The following SVOP variants were observed in gnomAD, a reference collection of about 807,000 sequenced individuals.
SVOP encodes the protein SV2 related protein.
Under a neutral mutation model 69.1 loss-of-function variants are expected in SVOP, and 17 were observed. The observed-to-expected ratio is 0.25, with a 90% CI of 0.17 to 0.37. The LOEUF is 0.37. Among genes scored for constraint, SVOP ranks in the 10% least tolerant of loss-of-function variants. The probability of loss-of-function intolerance (pLI) is 1.00; values close to 1 mark genes in which losing one functional copy is unlikely to be tolerated. For synonymous variants in SVOP, 238 were observed against 238.6 expected (o/e 1.00, Z 0.02); for missense variants, 435 against 597.5 (o/e 0.73, Z 2.84).
chr12:108,954,931 C>G (rs1298611060), intron 6 of SVOP, among the ~76,000 whole-genome samples: 1 of 152,184 alleles, frequency 6.6e-6, no homozygotes, highest in Non-Finnish European at 1.5e-5. Context: ...GCAGAAGGAT[C>G]ACTTGAGCCT....
intron 6 of SVOP, 99 bp downstream of exon 6, chr12:108,960,824 C>A: frequency 7.1e-7 from 1 of 1,418,406 alleles, no homozygotes; most frequent in South Asian, 1.4e-5. Flanking sequence ...TCTCTGCACC[C>A]CTGCTGCCCC....
At chr12:108,998,150 A>G (rs541396395) in intron 1 of SVOP, among the ~76,000 whole-genome samples, 1 of 152,268 alleles carries the variant, frequency 6.6e-6, no homozygotes, top group Non-Finnish European at 1.5e-5. Context: ...AGGCTCAAGA[A>G]CTAGGTGAAG....
chr12:109,014,018 C>CTTT (rs377526459), intron 1 of SVOP, among the ~76,000 whole-genome samples: 13 of 137,648 alleles, frequency 9.4e-5, no homozygotes, highest in African/African-American at 1.1e-4. Flanking sequence ...AATTTCCTTC[C>CTTT]TTTTTTTTTT....
At chr12:108,933,626 G>A (rs1026483623) in intron 11 of SVOP, among the ~76,000 whole-genome samples, 1 of 152,262 alleles carries the variant, frequency 6.6e-6, no homozygotes, top group East Asian at 1.9e-4. Flanking sequence ...GCTGCAGTGA[G>A]CTGAGATCAA....
chr12:108,965,027 G>C (rs1439409002), intron 5 of SVOP, among the ~76,000 whole-genome samples: 1 of 152,176 alleles, frequency 6.6e-6, no homozygotes, highest in Non-Finnish European at 1.5e-5. Flanking sequence ...CAGCATTAAA[G>C]ATACTGATAT....
At chr12:108,994,797 T>C (rs1462475183) in intron 1 of SVOP, among the ~76,000 whole-genome samples, 1 of 152,156 alleles carries the variant, frequency 6.6e-6, no homozygotes, top group Non-Finnish European at 1.5e-5. Context: ...CTAGAAATGA[T>C]CATTAGGACA....
Position 108,912,384 on chromosome 12 carries a change from C to A in SVOP, c.*151G>T. 6.7e-7 allele frequency: 1 copy of A among 1,502,126 alleles called. No homozygotes were observed. The highest frequency in any genetic ancestry group is 8.8e-7 in the Non-Finnish European group (1 of 1,131,310). The allele number at this position is 1,502,126 out of a possible 1,614,324, so 93.0% of individuals were successfully genotyped here. A position where few individuals can be genotyped will look rare whatever the true frequency, so the allele number is the denominator to read the frequency against. On this transcript the variant is annotated 3_prime_UTR_variant, in exon 16 of 16. Coordinates refer to ENST00000610966, the MANE Select transcript of SVOP (RefSeq NM_018711.5). ...CTGGGTGGACCTCAATGAAGATGAG[C>A]AAACTGAGTCAAGACACAAAACCCT...
At chr12:108,987,490 T>C (rs1289511138) in intron 1 of SVOP, among the ~76,000 whole-genome samples, 1 of 152,226 alleles carries the variant, frequency 6.6e-6, no homozygotes, top group Non-Finnish European at 1.5e-5. Context: ...AAAGGGTTAT[T>C]CTATGTTTTA....
chr12:108,952,396 G>A (rs971160594), intron 6 of SVOP, among the ~76,000 whole-genome samples: 1 of 151,562 alleles, frequency 6.6e-6, no homozygotes, highest in South Asian at 2.1e-4. Flanking sequence ...CACCACGCCT[G>A]GCTAATTTTT....
At chr12:108,918,912 C>T (rs956548372) in intron 13 of SVOP, among the ~76,000 whole-genome samples, 1 of 152,120 alleles carries the variant, frequency 6.6e-6, no homozygotes, top group Non-Finnish European at 1.5e-5. Context: ...ATCTTTTATC[C>T]AGTTGTGAGG....
chr12:108,914,487 C>T (rs540630005), intron 15 of SVOP, among the ~76,000 whole-genome samples: 2 of 152,278 alleles, frequency 1.3e-5, no homozygotes, highest in Admixed American at 6.5e-5. Flanking sequence ...TCTGCAATGA[C>T]GTCTAATTAT....
chr12:108,989,049 A>G (rs1243763949), intron 1 of SVOP, among the ~76,000 whole-genome samples: 1 of 152,114 alleles, frequency 6.6e-6, no homozygotes. Flanking sequence ...CTGGTATTAC[A>G]GGCATGAGCC....
At chr12:108,916,975 G>A (rs1167794646) in intron 14 of SVOP, among the ~76,000 whole-genome samples, 1 of 152,200 alleles carries the variant, frequency 6.6e-6, no homozygotes, top group African/African-American at 2.4e-5. Flanking sequence ...TTGAACTCCT[G>A]AGCTCAAGCG....
At chr12:108,982,195 T>G (rs1267638305) in intron 2 of SVOP, among the ~76,000 whole-genome samples, 2 of 151,002 alleles carry the variant, frequency 1.3e-5, no homozygotes, top group Non-Finnish European at 2.9e-5. Context: ...ATCATCACCA[T>G]CATCATGATC....
intron 11 of SVOP, among the ~76,000 whole-genome samples, chr12:108,931,596 G>A (rs1211179045): frequency 1.3e-5 from 2 of 152,184 alleles, no homozygotes; most frequent in Admixed American, 1.3e-4. Flanking sequence ...CACCTCGGGA[G>A]GCCGAGGTGG....
At position 108,977,415 on chromosome 12, in the gene SVOP, C is replaced by T; in HGVS notation, c.364G>A (p.Val122Met). Reference protein sequence around the residue: ...HCEWRLPSWQVALLTSVVFVG... With the variant: ...HCEWRLPSWQMALLTSVVFVG... ...CTGCCTACCGAGGTCAGCAATGCCA[C>T]CTGCCAGCTTGGGAGCCTCCACTCG... Residue 122 changes from valine to methionine, a missense_variant, in exon 4 of 16, where the codon GTG (valine) becomes ATG (methionine). Coordinates refer to ENST00000610966, the MANE Select transcript of SVOP (RefSeq NM_018711.5). 3.9e-6 allele frequency: 6 copies of T among 1,537,198 alleles called. No homozygotes were observed. The highest frequency in any genetic ancestry group is 4.4e-6 in the Non-Finnish European group (5 of 1,146,884).
chr12:108,950,477 G>T (rs992249848), intron 6 of SVOP, among the ~76,000 whole-genome samples: 1 of 152,094 alleles, frequency 6.6e-6, no homozygotes, highest in Non-Finnish European at 1.5e-5. Flanking sequence ...TTGACCTCCT[G>T]GGGTAGATGA....
chr12:108,953,136 C>CTTTTTTT lies in SVOP; in HGVS notation c.578+7780_578+7786dup, dbSNP rs36158603. Among the ~76,000 whole-genome samples the CTTTTTTT allele has an allele frequency of 1.7e-4, 16 of 95,782 alleles. 5 individuals are homozygous for CTTTTTTT. Among genetic ancestry groups the CTTTTTTT allele is most frequent in the East Asian group, 7.8e-4 (2 of 2,576 alleles). 62.8% of individuals were successfully genotyped at this position (95,782 alleles called of 152,430 possible). The stretch of plus-strand genomic sequence containing the variant: ...ATGGGCTCCTTAATGATCTAATTGA[C>CTTTTTTT]TTTTTTTTTTTTTTTTCTTTTTTTT... On this transcript the variant is annotated intron_variant, in intron 6 of 15. Coordinates refer to ENST00000610966, the MANE Select transcript of SVOP (RefSeq NM_018711.5).
At chr12:108,944,912 T>C (rs1371915178) in intron 7 of SVOP, among the ~76,000 whole-genome samples, 191 bp downstream of exon 7, 2 of 152,202 alleles carry the variant, frequency 1.3e-5, no homozygotes, top group African/African-American at 4.8e-5. Context: ...TTTTTGTCAA[T>C]TGAAGAATTT....
Sources: gnomAD v4.1 joint callset for allele counts (sites outside exome capture counted in the v4.1 genomes callset) on GRCh38, gnomAD v4.1.1 for gene constraint, MANE v1.5 for transcripts, NCBI Gene and HGNC (gene_info 2026-07-23, HGNC 2026-07-21) for gene names.